The following OPCML variants were observed in gnomAD, a reference collection of about 807,000 sequenced individuals.
OPCML encodes opioid binding protein/cell adhesion molecule like.
Under a neutral mutation model 37.8 loss-of-function variants are expected in OPCML, and 13 were observed. The observed-to-expected ratio is 0.34, with a 90% CI of 0.22 to 0.55. OPCML has a LOEUF of 0.55. OPCML is among the 20% of genes least tolerant of loss of function. The pLI is 0.91. For missense variants in OPCML, 341 were observed against 435.6 expected, an observed-to-expected ratio of 0.78 and a Z score of 1.93; for synonymous variants, 176 against 168.8, an observed-to-expected ratio of 1.04 and a Z score of -0.33.
intron 1 of OPCML, among the ~76,000 whole-genome samples, chr11:133,501,287 A>ACC (rs141566894): frequency 6.6e-6 from 1 of 151,640 alleles, no homozygotes; most frequent in Non-Finnish European, 1.5e-5. Context: ...CTTCCTAGGG[A>ACC]CCCCCCCACG....
chr11:132,820,713 C>T (rs909515449), intron 2 of OPCML, among the ~76,000 whole-genome samples: 1 of 152,130 alleles, frequency 6.6e-6, no homozygotes, highest in African/African-American at 2.4e-5. Flanking sequence ...GAAGCTGTAT[C>T]TCAGGCAGTT....
At chr11:133,516,240 C>G (rs1021309587) in intron 1 of OPCML, among the ~76,000 whole-genome samples, 2 of 152,194 alleles carry the variant, frequency 1.3e-5, no homozygotes, top group Non-Finnish European at 2.9e-5. Context: ...GTGTCAGTCT[C>G]CATCAGAGGA....
intron 4 of OPCML, among the ~76,000 whole-genome samples, chr11:132,454,203 C>A (rs1323920459): frequency 6.6e-6 from 1 of 152,148 alleles, no homozygotes; most frequent in Non-Finnish European, 1.5e-5. Context: ...TTTGTATGGT[C>A]TATAATTTTA....
chr11:132,905,672 A>AC (rs1944215428), intron 2 of OPCML, among the ~76,000 whole-genome samples: 1 of 151,982 alleles, frequency 6.6e-6, no homozygotes, highest in African/African-American at 2.4e-5. Context: ...CTTTAGGAAC[A>AC]CCCAATAGTG....
chr11:132,455,727 A>C (rs1235969809), intron 4 of OPCML, among the ~76,000 whole-genome samples: 1 of 152,116 alleles, frequency 6.6e-6, no homozygotes, highest in Non-Finnish European at 1.5e-5. Flanking sequence ...ATATTGATAG[A>C]GACTACCGTT....
At chr11:132,900,641 G>A (rs868440361) in intron 2 of OPCML, among the ~76,000 whole-genome samples, 15 of 152,282 alleles carry the variant, frequency 9.9e-5, no homozygotes, top group Middle Eastern at 3.4e-3. Flanking sequence ...GTCTCCGCAC[G>A]CTGTGACCTC....
intron 1 of OPCML, among the ~76,000 whole-genome samples, chr11:133,268,537 G>A (rs1477641764): frequency 6.6e-6 from 1 of 152,178 alleles, no homozygotes; most frequent in East Asian, 1.9e-4. Flanking sequence ...TGAATGCTAG[G>A]AAGCCATAGT....
At chr11:133,449,063 G>C (rs1946528013) in intron 1 of OPCML, among the ~76,000 whole-genome samples, 1 of 152,170 alleles carries the variant, frequency 6.6e-6, no homozygotes, top group Non-Finnish European at 1.5e-5. Context: ...TCCATGTTTA[G>C]TCTTCACATG....
chr11:133,136,439 C>T (rs1258898418), intron 1 of OPCML, among the ~76,000 whole-genome samples: 1 of 152,158 alleles, frequency 6.6e-6, no homozygotes, highest in East Asian at 1.9e-4. Flanking sequence ...GGGATCAAGG[C>T]TCCAGAAAGC....
intron 1 of OPCML, among the ~76,000 whole-genome samples, chr11:133,372,608 T>C (rs1370837726): frequency 6.6e-6 from 1 of 152,230 alleles, no homozygotes; most frequent in Non-Finnish European, 1.5e-5. Flanking sequence ...TTACAGGATT[T>C]TCACAGGACT....
chr11:132,722,017 G>A (rs1944690827), intron 2 of OPCML, among the ~76,000 whole-genome samples: 2 of 136,468 alleles, frequency 1.5e-5, no homozygotes, highest in African/African-American at 5.5e-5. Flanking sequence ...GTGCAGTGGA[G>A]TGATCTCGGC....
intron 1 of OPCML, among the ~76,000 whole-genome samples, chr11:133,217,906 T>C (rs984858535): frequency 7.9e-5 from 12 of 151,820 alleles, no homozygotes; most frequent in Non-Finnish European, 1.6e-4. Flanking sequence ...GTTAGCTTGG[T>C]GTGGTGGTGC....
At chr11:133,400,739 C>T (rs754151808) in intron 1 of OPCML, among the ~76,000 whole-genome samples, 2 of 152,212 alleles carry the variant, frequency 1.3e-5, no homozygotes, top group African/African-American at 2.4e-5. Flanking sequence ...CTGTTCAATG[C>T]TCTTCCTCTT....
At chr11:133,303,263 T>C (rs77177825) in intron 1 of OPCML, among the ~76,000 whole-genome samples, 35 of 152,098 alleles carry the variant, frequency 2.3e-4, no homozygotes, top group Middle Eastern at 3.4e-3. Flanking sequence ...GAAATGGAGG[T>C]TGGCATAAGG....
intron 2 of OPCML, among the ~76,000 whole-genome samples, chr11:132,742,615 A>G (rs1013151196): frequency 1.3e-5 from 2 of 151,974 alleles, no homozygotes; most frequent in Non-Finnish European, 2.9e-5. Flanking sequence ...TATTTTTGGT[A>G]TAGCGCTCCA....
chr11:133,324,751 G>T (rs1943409626), intron 1 of OPCML, among the ~76,000 whole-genome samples: 1 of 152,070 alleles, frequency 6.6e-6, no homozygotes, highest in Non-Finnish European at 1.5e-5. Flanking sequence ...TCTTCAAAAG[G>T]ACATCAATGC....
At chr11:132,577,002 C>T (rs1443177716) in intron 3 of OPCML, among the ~76,000 whole-genome samples, 1 of 152,188 alleles carries the variant, frequency 6.6e-6, no homozygotes, top group Non-Finnish European at 1.5e-5. Context: ...GCTGGATGCA[C>T]AAACCATCCC....
intron 1 of OPCML, among the ~76,000 whole-genome samples, chr11:132,987,535 T>C (rs1260154277): frequency 6.6e-6 from 1 of 152,078 alleles, no homozygotes; most frequent in East Asian, 1.9e-4. Flanking sequence ...GAAAGCCAGG[T>C]TGAACTATCA....
chr11:133,275,007 A>G (rs1430803897), intron 1 of OPCML, among the ~76,000 whole-genome samples: 1 of 152,210 alleles, frequency 6.6e-6, no homozygotes, highest in East Asian at 1.9e-4. Context: ...AGTGACAGCT[A>G]TGATTTTAGA....
Sources: gnomAD v4.1 joint callset for allele counts (sites outside exome capture counted in the v4.1 genomes callset) on GRCh38, gnomAD v4.1.1 for gene constraint, MANE v1.5 for transcripts, NCBI Gene and HGNC (gene_info 2026-07-23, HGNC 2026-07-21) for gene names.